FLT1: variants seen among roughly 807,000 people sequenced by gnomAD.
FLT1 encodes fms related receptor tyrosine kinase 1, also known as vascular endothelial growth factor receptor 1.
A neutral mutation model predicts 156.3 loss-of-function variants in FLT1; 49 were observed. The ratio of observed to expected loss-of-function variants is 0.31; its 90% confidence interval spans 0.25 to 0.40. The LOEUF is 0.40. Among genes scored for constraint, FLT1 ranks in the 10% least tolerant of loss-of-function variants. FLT1 has a pLI of 1.00. For missense variants in FLT1, 1,322 were observed against 1,637.2 expected (o/e 0.81, Z 3.32); for synonymous variants, 594 against 583.8 (o/e 1.02, Z -0.25).
intron 1 of FLT1, among the ~76,000 whole-genome samples, chr13:28,486,645 G>A (rs1228808261): frequency 1.3e-5 from 2 of 152,186 alleles, no homozygotes; most frequent in Non-Finnish European, 2.9e-5. Flanking sequence ...TGCCCCTAAC[G>A]TACGTACCTC....
At position 28,473,823 on chromosome 13, in the gene FLT1, AAAGAAAGAAAGAAAGG is replaced by A. The variant is rs1446880505; in HGVS notation, c.65-6222_65-6207del. On this transcript the variant is annotated intron_variant, in intron 1 of 29. Coordinates refer to ENST00000282397, the MANE Select transcript of FLT1 (RefSeq NM_002019.4). ...GAAAGAAAGAAAGAAAGAAAGAAAGAAAGAAAGAAAGAAAGGAAGAAAGAAAGAAAGAAAGAAAGAA... is the reference window on the plus strand; with the variant it reads ...GAAAGAAAGAAAGAAAGAAAGAAAGAAAGAAAGAAAGAAAGAAAGAAAGAA... Among the ~76,000 whole-genome samples the A allele has an allele frequency of 3.9e-3, 468 of 118,592 alleles. 14 individuals carry two copies. The highest frequency in any genetic ancestry group is 0.015 in the African/African-American group (391 of 26,544). The allele number at this position is 118,592 out of a possible 152,430, so 77.8% of individuals were successfully genotyped here. A position where few individuals can be genotyped will look rare whatever the true frequency, so the allele number is the denominator to read the frequency against.
At chr13:28,486,465 T>C (rs971990925) in intron 1 of FLT1, among the ~76,000 whole-genome samples, 3 of 152,238 alleles carry the variant, frequency 2.0e-5, no homozygotes, top group Non-Finnish European at 2.9e-5. Context: ...TTTGCAGTCA[T>C]ACTGGAGGAA....
At chr13:28,386,596 C>T (rs1005492868) in intron 13 of FLT1, 17 of 1,055,228 alleles carry the variant, frequency 1.6e-5, no homozygotes, top group Non-Finnish European at 1.9e-5. Context: ...CTAAGCAGAA[C>T]GTTACGATAT....
chr13:28,470,637 C>T (rs1011878858), intron 1 of FLT1, among the ~76,000 whole-genome samples: 2 of 152,056 alleles, frequency 1.3e-5, no homozygotes, highest in African/African-American at 4.8e-5. Context: ...CAGAGGAAAC[C>T]GCTAACTTCA....
chr13:28,319,059 G>A (rs1047460957), intron 24 of FLT1, among the ~76,000 whole-genome samples: 7 of 152,214 alleles, frequency 4.6e-5, no homozygotes, highest in Non-Finnish European at 7.3e-5. Flanking sequence ...GGTGGGAGAC[G>A]CGGGGAGGGA....
chr13:28,459,515 G>A (rs1361535298), intron 3 of FLT1, among the ~76,000 whole-genome samples: 1 of 152,192 alleles, frequency 6.6e-6, no homozygotes, highest in African/African-American at 2.4e-5. Flanking sequence ...GGCAGGTGGA[G>A]GAGAGAATGA....
Position 28,412,730 on chromosome 13 carries a change from CTTTTT to C in FLT1, c.1437-6841_1437-6837del, listed in dbSNP as rs752528822. Reference sequence around the variant, plus strand: ...GGCAACATCCCAGGCCCCTCACGTTCTTTTTTTTTTTTTTTTTTTTTTTTGAGACG... The same window carrying C: ...GGCAACATCCCAGGCCCCTCACGTTCTTTTTTTTTTTTTTTTTTTGAGACG... On this transcript the variant is annotated intron_variant, in intron 10 of 29. Transcript: ENST00000282397. Among the ~76,000 whole-genome samples, 266 of 79,526 alleles carry C rather than the reference CTTTTT, an allele frequency of 3.3e-3. 1 individual carries two copies. Among genetic ancestry groups the C allele is most frequent in the African/African-American group, 0.014 (251 of 17,656 alleles). 52.2% of individuals were successfully genotyped at this position (79,526 alleles called of 152,430 possible).
At chr13:28,347,038 C>T (rs1872590929) in intron 15 of FLT1, among the ~76,000 whole-genome samples, 1 of 152,046 alleles carries the variant, frequency 6.6e-6, no homozygotes, top group Non-Finnish European at 1.5e-5. Context: ...TCAAACCTAA[C>T]CAAGAGACTT....
intron 12 of FLT1, among the ~76,000 whole-genome samples, chr13:28,394,435 G>C (rs981507248): frequency 6.6e-6 from 1 of 152,134 alleles, no homozygotes; most frequent in Non-Finnish European, 1.5e-5. Flanking sequence ...TGAGAGGTAG[G>C]AGGGAATTTC....
At chr13:28,456,054 G>A (rs536309441) in intron 3 of FLT1, among the ~76,000 whole-genome samples, 5 of 152,282 alleles carry the variant, frequency 3.3e-5, no homozygotes, top group African/African-American at 7.2e-5. Flanking sequence ...TTTGGAAGAC[G>A]GTTTGGCAGT....
rs184433333 is a variant in FLT1 at position 28,396,355 on chromosome 13, C to G, written c.1660+605G>C. ...TATACTTTGAGCTACTTACTTCCTTCCTGTACCCATTGAGGGACATAGGGA... is the reference window on the plus strand; with the variant it reads ...TATACTTTGAGCTACTTACTTCCTTGCTGTACCCATTGAGGGACATAGGGA... On this transcript the variant is annotated intron_variant, in intron 12 of 29. Coordinates refer to ENST00000282397, the MANE Select transcript of FLT1 (RefSeq NM_002019.4). Among the ~76,000 whole-genome samples, 10 of 152,252 alleles carry G rather than the reference C, an allele frequency of 6.6e-5. 1 individual carries two copies. In the East Asian group the frequency reaches 1.9e-3, roughly 29 times the overall value.
rs751715034 is a variant in FLT1, at chr13:28,322,352, G to A, written c.2961C>T (p.Asp987=). The A allele has an allele frequency of 1.6e-5, 26 of 1,606,980 alleles. No homozygotes were observed. The South Asian group carries it at 1.9e-4, about 12-fold the overall frequency. Residue 987 remains aspartate, a synonymous_variant, in exon 22 of 30, where the codon GAC becomes GAT. Coordinates refer to ENST00000282397, the MANE Select transcript of FLT1 (RefSeq NM_002019.4). This position sits in a 1 kb window ranked among gnomAD's most constrained non-coding sequence, Gnocchi z 4.3. ...TAGTGATGGGCTCCTTGTAGAAACCGTCAGAATCTGGAAAGCATTAGAACC... is the reference window on the plus strand; with the variant it reads ...TAGTGATGGGCTCCTTGTAGAAACCATCAGAATCTGGAAAGCATTAGAACC... ...LSDVEEEEDS[D]GFYKEPITME... is the part of the protein sequence containing the mutation.
Position 28,311,722 on chromosome 13 carries a change from T to C in FLT1, c.3503A>G (p.Asp1168Gly). The C allele has an allele frequency of 6.2e-7, 1 of 1,614,056 alleles. No homozygotes were observed. Among genetic ancestry groups the C allele is most frequent in the South Asian group, 1.1e-5 (1 of 91,082 alleles). Residue 1168 changes from aspartate to glycine, a missense_variant, in exon 27 of 30, where the codon GAC (aspartate) becomes GGC (glycine). This residue lies in a region of FLT1 where 329 missense variants were observed against 366.2 expected (regional missense o/e 0.90). Coordinates refer to ENST00000282397, the MANE Select transcript of FLT1 (RefSeq NM_002019.4). Reference sequence around the variant, plus strand: ...CAGTATGGCATTGATTGGGATGTAGTCTTTACCATCCTAAAATACCAAAGG... The same window carrying C: ...CAGTATGGCATTGATTGGGATGTAGCCTTTACCATCCTAAAATACCAAAGG... ...LQANVQQDGK[D>G]YIPINAILTG...
At chr13:28,388,020 A>G in intron 13 of FLT1, 7 of 1,059,362 alleles carry the variant, frequency 6.6e-6, no homozygotes, top group Non-Finnish European at 6.9e-6. Context: ...GGATCCCTCA[A>G]TCATTCTGTT....
rs766918953 is a variant in FLT1, at chr13:28,427,226, A to T, written c.1369T>A (p.Tyr457Asn). Residue 457 changes from tyrosine to asparagine, a missense_variant, in exon 10 of 30, where the codon TAT (tyrosine) becomes AAT (asparagine). Around this residue, in one of 3 missense-constraint regions of FLT1, gnomAD observed 991 missense variants for 1,254.8 expected, o/e 0.79. Transcript: ENST00000282397. ...TTGATTGTAGGTTGAGGGATACCAT[A>T]TGCGGTACAAGTCAGGATTTGTCTG... ...GSRQILTCTAYGIPQPTIKWF... is the reference protein window; with the variant it reads ...GSRQILTCTANGIPQPTIKWF... 1 of 1,614,078 alleles carries T rather than the reference A, an allele frequency of 6.2e-7. No homozygotes were observed. Among genetic ancestry groups the T allele is most frequent in the Non-Finnish European group, 8.5e-7 (1 of 1,179,922 alleles).
At chr13:28,455,496 G>T (rs1452634114) in intron 3 of FLT1, among the ~76,000 whole-genome samples, 1 of 152,088 alleles carries the variant, frequency 6.6e-6, no homozygotes, top group African/African-American at 2.4e-5. Flanking sequence ...AACACAAAAT[G>T]GATCATAGAG....
intron 1 of FLT1, among the ~76,000 whole-genome samples, chr13:28,476,063 A>G (rs1397984841): frequency 6.6e-6 from 1 of 152,210 alleles, no homozygotes; most frequent in South Asian, 2.1e-4. Flanking sequence ...TTCCAAAACA[A>G]TTGGCCTTAA....
intron 4 of FLT1, among the ~76,000 whole-genome samples, chr13:28,435,547 C>T (rs1014240833): frequency 2.2e-4 from 33 of 152,114 alleles, no homozygotes; most frequent in African/African-American, 7.5e-4. Context: ...AAAGGAAATA[C>T]CAAACAGCCA....
At chr13:28,411,058 G>T (rs1876139732) in intron 10 of FLT1, among the ~76,000 whole-genome samples, 1 of 152,086 alleles carries the variant, frequency 6.6e-6, no homozygotes, top group African/African-American at 2.4e-5. Context: ...CAGACACCAG[G>T]AAAATTAAAT....
Sources: gnomAD v4.1 joint callset for allele counts (sites outside exome capture counted in the v4.1 genomes callset) on GRCh38, gnomAD v4.1.1 for gene constraint, gnomAD v4.1.1 regional missense constraint, Gnocchi (gnomAD v3.1) non-coding constraint, MANE v1.5 for transcripts, NCBI Gene and HGNC (gene_info 2026-07-23, HGNC 2026-07-21) for gene names.